Variants in PDE3A observed in about 807,000 individuals in gnomAD.
PDE3A encodes phosphodiesterase 3A.
Under a neutral mutation model 98.3 loss-of-function variants are expected in PDE3A, and 43 were observed. That is an observed-to-expected ratio of 0.44 (90% confidence interval 0.34 to 0.56). The LOEUF is 0.56. Among genes scored for constraint, PDE3A ranks in the 20% least tolerant of loss-of-function variants. The pLI is 0.01. For missense variants in PDE3A, 1,427 were observed against 1,440.7 expected, an observed-to-expected ratio of 0.99 and a Z score of 0.15; for synonymous variants, 663 against 567.9, an observed-to-expected ratio of 1.17 and a Z score of -2.38.
chr12:20,394,309 C>G (rs535321758), intron 1 of PDE3A, among the ~76,000 whole-genome samples: 3 of 151,960 alleles, frequency 2.0e-5, no homozygotes, highest in Non-Finnish European at 4.4e-5. Flanking sequence ...GTTTATGAGT[C>G]CATGCTTGTA....
At chr12:20,523,574 A>G (rs1258140177) in intron 1 of PDE3A, among the ~76,000 whole-genome samples, 4 of 152,254 alleles carry the variant, frequency 2.6e-5, no homozygotes, top group Non-Finnish European at 5.9e-5. Context: ...ATTTATTACC[A>G]CTTACACAGA....
chr12:20,501,860 T>C (rs183021664), intron 1 of PDE3A, among the ~76,000 whole-genome samples: 5 of 152,284 alleles, frequency 3.3e-5, no homozygotes, highest in Admixed American at 3.3e-4. Context: ...GCTGTCATTA[T>C]TCCAGTCTTA....
intron 15 of PDE3A, among the ~76,000 whole-genome samples, chr12:20,662,110 T>C (rs78890389): frequency 0.045 from 6,826 of 151,800 alleles, 271 homozygotes; most frequent in African/African-American, 0.1. Flanking sequence ...TCTCCAGCCA[T>C]GTGAAACTGT....
At chr12:20,675,681 T>A (rs1377722725) in intron 15 of PDE3A, among the ~76,000 whole-genome samples, 2 of 152,224 alleles carry the variant, frequency 1.3e-5, no homozygotes, top group African/African-American at 2.4e-5. Flanking sequence ...TCTATCCTCT[T>A]ACTGAATTGA....
chr12:20,621,382 A>G lies in PDE3A; in HGVS notation c.1511A>G (p.His504Arg). The part of the protein sequence containing the change: ...TSSYAISAAN[H>R]VKAKKQSRPG... ...TCCTATGCTATTTCTGCAGCTAACCATGTAAAGGCTAAAAAGCAAAGTCGA... is the reference window on the plus strand; with the variant it reads ...TCCTATGCTATTTCTGCAGCTAACCGTGTAAAGGCTAAAAAGCAAAGTCGA... Residue 504 changes from histidine (H) to arginine (R), a missense_variant, in exon 5 of 16, where the codon CAT (histidine) becomes CGT (arginine). Coordinates refer to ENST00000359062, the MANE Select transcript of PDE3A (RefSeq NM_000921.5). 3 of 1,610,698 alleles carry G rather than the reference A, an allele frequency of 1.9e-6. No individual in the cohort carries two copies. The highest frequency in any genetic ancestry group is 2.5e-6 in the Non-Finnish European group (3 of 1,177,106).
At chr12:20,606,325 A>G (rs1205158097) in intron 2 of PDE3A, among the ~76,000 whole-genome samples, 1 of 152,188 alleles carries the variant, frequency 6.6e-6, no homozygotes, top group East Asian at 1.9e-4. Context: ...ACACAGCACC[A>G]CAGCAAATAA....
At chr12:20,591,981 G>A (rs1352128676) in intron 2 of PDE3A, among the ~76,000 whole-genome samples, 2 of 152,072 alleles carry the variant, frequency 1.3e-5, no homozygotes, top group African/African-American at 2.4e-5. Context: ...TATAATAAAG[G>A]GTTAAGTAAA....
At chr12:20,432,057 T>C (rs980726936) in intron 1 of PDE3A, among the ~76,000 whole-genome samples, 2 of 152,170 alleles carry the variant, frequency 1.3e-5, no homozygotes, top group African/African-American at 4.8e-5. Flanking sequence ...CCAATGACAA[T>C]GAAATATTTG....
intron 1 of PDE3A, among the ~76,000 whole-genome samples, chr12:20,390,651 T>G (rs943901865): frequency 4.6e-5 from 7 of 151,832 alleles, no homozygotes; most frequent in Non-Finnish European, 1.0e-4. Flanking sequence ...GGGAAGATGA[T>G]GTGTTTGGTT....
chr12:20,535,603 C>T (rs940686113), intron 1 of PDE3A, among the ~76,000 whole-genome samples: 3 of 152,090 alleles, frequency 2.0e-5, no homozygotes, highest in African/African-American at 7.2e-5. Context: ...GCCTGGTACA[C>T]AGTAAGGACT....
At chr12:20,380,292 T>C (rs1943640746) in intron 1 of PDE3A, among the ~76,000 whole-genome samples, 1 of 151,902 alleles carries the variant, frequency 6.6e-6, no homozygotes. Flanking sequence ...TTTTTAAAAA[T>C]GTCATCCAAC....
chr12:20,440,581 T>G (rs924491549), intron 1 of PDE3A, among the ~76,000 whole-genome samples: 2 of 152,192 alleles, frequency 1.3e-5, no homozygotes, highest in Admixed American at 6.5e-5. Flanking sequence ...ATAAGTCACA[T>G]CACTTACATA....
chr12:20,477,627 A>T (rs1945553253), intron 1 of PDE3A, among the ~76,000 whole-genome samples: 1 of 152,220 alleles, frequency 6.6e-6, no homozygotes, highest in Non-Finnish European at 1.5e-5. Context: ...TCCCTTGAAC[A>T]TAAAAGGGAG....
rs1942223555 is a variant in PDE3A, at chr12:20,552,083, A to T, written c.961-4577A>T. The T allele has an allele frequency of 1.9e-6, 3 of 1,612,632 alleles. No homozygotes were observed. The Admixed American group carries it at 5.0e-5, about 27-fold the overall frequency. On this transcript the variant is annotated intron_variant, in intron 1 of 15. Coordinates refer to ENST00000359062, the MANE Select transcript of PDE3A (RefSeq NM_000921.5). This position sits in a 1 kb window ranked among gnomAD's most constrained non-coding sequence, Gnocchi z 5.1. ...ACATACACGGGTAGTGGTGGTCGAG[A>T]GCTTTCCGGCAACAAGAGGACCGCG...
chr12:20,656,539 A>G (rs1945048333), intron 15 of PDE3A, among the ~76,000 whole-genome samples: 1 of 152,258 alleles, frequency 6.6e-6, no homozygotes, highest in Non-Finnish European at 1.5e-5. Flanking sequence ...GACTTCCATT[A>G]GAAAATTTGT....
intron 1 of PDE3A, among the ~76,000 whole-genome samples, chr12:20,471,670 A>C (rs1945442358): frequency 6.6e-6 from 1 of 152,152 alleles, no homozygotes; most frequent in African/African-American, 2.4e-5. Flanking sequence ...AAAAGTAAGA[A>C]AGTAAATTGA....
At chr12:20,628,459 T>G (rs1414224632) in intron 5 of PDE3A, among the ~76,000 whole-genome samples, 3 of 152,166 alleles carry the variant, frequency 2.0e-5, no homozygotes, top group Non-Finnish European at 4.4e-5. Context: ...TACTTCCCCC[T>G]TGGATAGTCT....
intron 1 of PDE3A, among the ~76,000 whole-genome samples, chr12:20,548,197 G>T (rs1017602828): frequency 1.3e-5 from 2 of 151,950 alleles, no homozygotes; most frequent in East Asian, 1.9e-4. Flanking sequence ...TAAATTTAAG[G>T]GTCTTCATTG....
intron 15 of PDE3A, among the ~76,000 whole-genome samples, chr12:20,659,559 G>GTT (rs148373818): frequency 6.6e-6 from 1 of 151,178 alleles, no homozygotes; most frequent in Non-Finnish European, 1.5e-5. Context: ...AACTTGTACT[G>GTT]TTTTTTTTAA....
Sources: allele counts gnomAD v4.1 joint callset (sites outside exome capture counted in the v4.1 genomes callset), GRCh38; gene constraint gnomAD v4.1.1; non-coding constraint Gnocchi (gnomAD v3.1); transcripts MANE v1.5; gene names NCBI Gene and HGNC (gene_info 2026-07-23, HGNC 2026-07-21).